The following PTPRE variants were observed in gnomAD, a reference collection of about 807,000 sequenced individuals.
PTPRE encodes protein tyrosine phosphatase receptor type E.
In PTPRE, 51 loss-of-function variants were observed where a neutral mutation model predicts 102.0. That is an observed-to-expected ratio of 0.50 (90% confidence interval 0.40 to 0.63). The LOEUF is 0.63. PTPRE is among the 30% of genes least tolerant of loss of function. PTPRE has a pLI of 0.00. For synonymous variants in PTPRE, 345 were observed against 348.2 expected (o/e 0.99, Z 0.10); for missense variants, 752 against 915.1 (o/e 0.82, Z 2.30).
At chr10:127,952,889 A>G (rs1209566591) in intron 1 of PTPRE, among the ~76,000 whole-genome samples, 1 of 152,214 alleles carries the variant, frequency 6.6e-6, no homozygotes, top group Non-Finnish European at 1.5e-5. Context: ...TATAGGTTAG[A>G]CATTCGTATA....
At chr10:128,002,332 C>T (rs895589755) in intron 2 of PTPRE, among the ~76,000 whole-genome samples, 3 of 152,088 alleles carry the variant, frequency 2.0e-5, no homozygotes, top group Non-Finnish European at 2.9e-5. Context: ...AAATTATTTC[C>T]GGGGAGTTTG....
intron 3 of PTPRE, among the ~76,000 whole-genome samples, chr10:128,041,646 C>CAAAA (rs59411622): frequency 3.9e-5 from 3 of 77,366 alleles, no homozygotes; most frequent in African/African-American, 5.4e-5. Flanking sequence ...GACTACGTCT[C>CAAAA]AAAAAAAAAA....
intron 1 of PTPRE, among the ~76,000 whole-genome samples, chr10:127,975,510 T>C (rs1031856155): frequency 4.6e-5 from 7 of 152,114 alleles, no homozygotes; most frequent in Non-Finnish European, 8.8e-5. Flanking sequence ...GACAGCCGAG[T>C]GTCAAGATCA....
intron 3 of PTPRE, among the ~76,000 whole-genome samples, chr10:128,044,965 C>T (rs1016411282): frequency 1.3e-5 from 2 of 152,180 alleles, no homozygotes; most frequent in Non-Finnish European, 2.9e-5. Context: ...CTGTGGGCAC[C>T]CCTTGTGCTT....
At chr10:128,077,522 G>T in intron 18 of PTPRE, 95 bp from the exon 19 acceptor site, 1 of 1,459,456 alleles carries the variant, frequency 6.9e-7, no homozygotes, top group Non-Finnish European at 9.2e-7. Context: ...CTCAGGGAGG[G>T]CTCCCAGCCT....
intron 2 of PTPRE, chr10:127,999,850 C>T (rs1211937901): frequency 3.0e-6 from 3 of 985,286 alleles, no homozygotes; most frequent in Non-Finnish European, 3.6e-6. Flanking sequence ...TTGCCTTTCG[C>T]ATCAGTAGCC....
chr10:128,041,119 A>G (rs1026035042), intron 3 of PTPRE, 129 bp downstream of exon 3: 3 of 786,944 alleles, frequency 3.8e-6, no homozygotes, highest in African/African-American at 3.5e-5. Context: ...TGTGCTTTTA[A>G]TAGTTTGTGC....
chr10:127,920,671 C>T (rs1589733997), intron 1 of PTPRE, among the ~76,000 whole-genome samples: 1 of 152,104 alleles, frequency 6.6e-6, no homozygotes, highest in Non-Finnish European at 1.5e-5. Context: ...CATACACTGG[C>T]GGGGCTGAAG....
chr10:127,919,431 C>T (rs1846437149), intron 1 of PTPRE, among the ~76,000 whole-genome samples: 1 of 152,212 alleles, frequency 6.6e-6, no homozygotes, highest in Non-Finnish European at 1.5e-5. Context: ...GGGAGACTTG[C>T]CCAGGGGCAC....
At chr10:128,068,353 G>T in intron 12 of PTPRE, 67 bp downstream of exon 12, 1 of 1,522,452 alleles carries the variant, frequency 6.6e-7, no homozygotes, top group Non-Finnish European at 8.9e-7. Context: ...TCATCCTCAT[G>T]GGCAATGCCA....
intron 1 of PTPRE, among the ~76,000 whole-genome samples, chr10:127,917,567 G>A (rs1407895430): frequency 3.9e-5 from 6 of 152,110 alleles, no homozygotes; most frequent in Non-Finnish European, 5.9e-5. Flanking sequence ...AGTTGCTCCG[G>A]GGGCTAAGGC....
At chr10:128,040,838 C>T in intron 2 of PTPRE, 37 bp from the exon 3 acceptor site, 1 of 1,554,712 alleles carries the variant, frequency 6.4e-7, no homozygotes, top group South Asian at 1.1e-5. Flanking sequence ...ACAGCTGCTG[C>T]TGGATGACCT....
At chr10:128,042,152 C>T (rs944273249) in intron 3 of PTPRE, among the ~76,000 whole-genome samples, 3 of 152,174 alleles carry the variant, frequency 2.0e-5, no homozygotes, top group African/African-American at 7.2e-5. Flanking sequence ...GTTATTTCAA[C>T]CCACAATCCC....
chr10:127,994,920 A>AT (rs1853096822), intron 2 of PTPRE, among the ~76,000 whole-genome samples: 1 of 152,142 alleles, frequency 6.6e-6, no homozygotes, highest in Non-Finnish European at 1.5e-5. Flanking sequence ...GAGCTAAGGG[A>AT]TGTACCCACC....
intron 1 of PTPRE, among the ~76,000 whole-genome samples, chr10:127,959,086 G>C (rs1230182513): frequency 6.6e-6 from 1 of 152,096 alleles, no homozygotes; most frequent in Non-Finnish European, 1.5e-5. Flanking sequence ...AGTAGAGATG[G>C]TGTTTCTCCA....
rs1231807595 is a variant in PTPRE at position 128,070,924 on chromosome 10, T to TGGGCAGGGCTG, written c.1387+28_1387+38dup. ...CGTGTAAGGCACCCGTGGCGTGGCT[T>TGGGCAGGGCTG]GGGCAGGGCTGGGGCGGGGCTGGTG... On this transcript the variant is annotated intron_variant, in intron 15 of 20. Coordinates refer to ENST00000254667, the MANE Select transcript of PTPRE (RefSeq NM_006504.6). The surrounding 1 kb of genome is among the most constrained non-coding windows in gnomAD (Gnocchi z 4.8). The TGGGCAGGGCTG allele has an allele frequency of 4.4e-6, 7 of 1,597,312 alleles. No individual in the cohort carries two copies. The highest frequency in any genetic ancestry group is 2.7e-5 in the African/African-American group (2 of 74,514).
chr10:127,958,380 G>T lies in PTPRE; in HGVS notation c.-30-23894G>T, dbSNP rs148163590. ...TTGAGGAAATTTCCTTCTATTCCTT[G>T]TTTGTTGAGAGTTTTCATCATGAGT... On this transcript the variant is annotated intron_variant, in intron 1 of 20. Transcript: ENST00000254667. Among the ~76,000 whole-genome samples the T allele has an allele frequency of 3.0e-3, 452 of 152,166 alleles. 1 individual carries two copies. The highest frequency in any genetic ancestry group is 0.014 in the Middle Eastern group (4 of 294).
intron 1 of PTPRE, among the ~76,000 whole-genome samples, chr10:127,978,977 C>T (rs1168567352): frequency 2.0e-5 from 3 of 152,016 alleles, no homozygotes; most frequent in African/African-American, 4.8e-5. Flanking sequence ...GCCAAGATCC[C>T]GCTACTGCAC....
intron 1 of PTPRE, among the ~76,000 whole-genome samples, chr10:127,968,577 A>G (rs1316632588): frequency 6.6e-6 from 1 of 152,160 alleles, no homozygotes. Context: ...TCATTCCCAC[A>G]CAGAAAGGTT....
Sources: allele counts gnomAD v4.1 joint callset (sites outside exome capture counted in the v4.1 genomes callset), GRCh38; gene constraint gnomAD v4.1.1; non-coding constraint Gnocchi (gnomAD v3.1); transcripts MANE v1.5; gene names NCBI Gene and HGNC (gene_info 2026-07-23, HGNC 2026-07-21).